Variants in HDAC9 observed in about 807,000 individuals in gnomAD.
The protein encoded by HDAC9 is MEF-2 interacting transcription repressor (MITR) protein.
HDAC9 carries 41 observed loss-of-function variants against 139.4 expected under a neutral mutation model. The ratio of observed to expected loss-of-function variants is 0.29; its 90% CI spans 0.23 to 0.38. HDAC9 has a LOEUF of 0.38. Among genes scored for constraint, HDAC9 ranks in the 10% least tolerant of loss-of-function variants. The pLI, the probability that HDAC9 is intolerant of heterozygous loss-of-function variation, is 1.00. For missense variants in HDAC9, 1,147 were observed against 1,297.0 expected (o/e 0.88, Z 1.78); for synonymous variants, 517 against 476.2 (o/e 1.09, Z -1.12).
Position 18,555,712 on chromosome 7 carries a change from T to C in HDAC9, c.23-29569T>C, listed in dbSNP as rs191920404. Among the ~76,000 whole-genome samples the C allele has an allele frequency of 1.8e-4, 27 of 152,208 alleles. No individual in the cohort carries two copies. In the East Asian group the frequency reaches 4.6e-3, roughly 26 times the overall value. ...TTTTATTATTTCCTAATTTCTACAA[T>C]ACCCATTTACAGATGTAATAATAAA... On this transcript the variant is annotated intron_variant, in intron 2 of 25. Transcript: ENST00000686413.
At chr7:18,967,203 A>G (rs1405740225) in intron 24 of HDAC9, among the ~76,000 whole-genome samples, 1 of 152,206 alleles carries the variant, frequency 6.6e-6, no homozygotes, top group Non-Finnish European at 1.5e-5. Context: ...ACAATTTAAG[A>G]AGTGCAGTTG....
rs551180381 is a variant in HDAC9 at position 18,865,996 on chromosome 7, G to C, written c.2685-8482G>C. On this transcript the variant is annotated intron_variant, in intron 21 of 25. Transcript: ENST00000686413. ...CAGGGGATCAGAATCTGCTGTCTCA[G>C]AGGTGACATATAAGATCATATAACT... is the stretch of plus-strand genomic sequence containing the variant. 7.3e-5 allele frequency among the ~76,000 whole-genome samples: 11 copies of C among 150,566 alleles called. No individual in the cohort carries two copies. The East Asian group carries it at 2.0e-3, about 27-fold the overall frequency.
At chr7:18,816,726 T>A (rs1794586979) in intron 17 of HDAC9, among the ~76,000 whole-genome samples, 1 of 152,060 alleles carries the variant, frequency 6.6e-6, no homozygotes, top group Non-Finnish European at 1.5e-5. Context: ...CATTCCAATT[T>A]TCATGCATGA....
At chr7:18,548,003 C>G (rs1055763752) in intron 2 of HDAC9, among the ~76,000 whole-genome samples, 1 of 151,828 alleles carries the variant, frequency 6.6e-6, no homozygotes, top group Non-Finnish European at 1.5e-5. Flanking sequence ...GTCAACATGC[C>G]TTCCTAACTC....
intron 2 of HDAC9, among the ~76,000 whole-genome samples, chr7:18,235,468 G>T (rs946646418): frequency 1.3e-5 from 2 of 152,128 alleles, no homozygotes; most frequent in African/African-American, 2.4e-5. Flanking sequence ...GTACACAGTT[G>T]GGTCCGGTTC....
intron 17 of HDAC9, among the ~76,000 whole-genome samples, chr7:18,825,261 G>A (rs1287981735): frequency 6.6e-6 from 1 of 152,172 alleles, no homozygotes; most frequent in Non-Finnish European, 1.5e-5. Context: ...TATGGAAAGA[G>A]CAGAGGAAAA....
intron 22 of HDAC9, among the ~76,000 whole-genome samples, chr7:18,933,260 A>T (rs1477500775): frequency 6.6e-6 from 1 of 152,130 alleles, no homozygotes; most frequent in African/African-American, 2.4e-5. Context: ...CCAAGTAAAG[A>T]CTTGGACCCT....
intron 1 of HDAC9, among the ~76,000 whole-genome samples, chr7:18,157,372 G>A (rs1787289239): frequency 2.0e-5 from 3 of 152,138 alleles, no homozygotes; most frequent in African/African-American, 7.2e-5. Context: ...AGAAGAAAAA[G>A]TGGGATGAAA....
chr7:18,293,650 C>A (rs188401170), intron 1 of HDAC9, among the ~76,000 whole-genome samples: 2 of 152,162 alleles, frequency 1.3e-5, no homozygotes, highest in Admixed American at 6.5e-5. Flanking sequence ...TATTCACAAC[C>A]TGTAAAGCAT....
At chr7:18,851,907 C>T (rs192812354) in intron 21 of HDAC9, among the ~76,000 whole-genome samples, 1 of 152,294 alleles carries the variant, frequency 6.6e-6, no homozygotes, top group Admixed American at 6.5e-5. Flanking sequence ...ATTTGTAAAA[C>T]TATAGGAGCA....
chr7:18,120,072 C>T (rs577083441), intron 1 of HDAC9, among the ~76,000 whole-genome samples: 110 of 152,234 alleles, frequency 7.2e-4, no homozygotes, highest in African/African-American at 2.4e-3. Flanking sequence ...ATGATAGTGA[C>T]TACTGTCTAG....
chr7:18,803,907 A>G (rs1793500761), intron 17 of HDAC9, among the ~76,000 whole-genome samples: 1 of 152,226 alleles, frequency 6.6e-6, no homozygotes, highest in Non-Finnish European at 1.5e-5. Context: ...TTTATTTAAA[A>G]AAAACATGTT....
At chr7:18,562,405 C>G (rs2128711840) in intron 2 of HDAC9, among the ~76,000 whole-genome samples, 1 of 152,270 alleles carries the variant, frequency 6.6e-6, no homozygotes, top group South Asian at 2.1e-4. Context: ...CAAAGATTTA[C>G]TCACGTATTT....
At chr7:18,291,136 G>A (rs1313856545) in intron 1 of HDAC9, among the ~76,000 whole-genome samples, 1 of 152,012 alleles carries the variant, frequency 6.6e-6, no homozygotes, top group Non-Finnish European at 1.5e-5. Context: ...TATGCCTATT[G>A]TGAACATTAA....
chr7:18,237,361 C>T (rs930070225), intron 2 of HDAC9, among the ~76,000 whole-genome samples: 28 of 152,152 alleles, frequency 1.8e-4, no homozygotes, highest in African/African-American at 6.3e-4. Context: ...AGCTTGGAAA[C>T]ATCTTGCTGT....
intron 2 of HDAC9, among the ~76,000 whole-genome samples, chr7:18,254,900 A>C (rs1795134176): frequency 1.3e-5 from 2 of 152,230 alleles, no homozygotes. Context: ...CCATGTCATG[A>C]ATAACCAAAA....
intron 2 of HDAC9, among the ~76,000 whole-genome samples, chr7:18,244,570 G>A (rs1794392625): frequency 6.6e-6 from 1 of 152,138 alleles, no homozygotes; most frequent in Non-Finnish European, 1.5e-5. Context: ...AGGCCAGGGC[G>A]GGTGGATTAC....
At chr7:18,582,324 G>C (rs537713767) in intron 2 of HDAC9, among the ~76,000 whole-genome samples, 1 of 152,140 alleles carries the variant, frequency 6.6e-6, no homozygotes, top group Admixed American at 6.5e-5. Context: ...GCCATCTTCT[G>C]TTCTCTACAT....
At chr7:18,159,007 G>GC (rs1787429646) in intron 1 of HDAC9, among the ~76,000 whole-genome samples, 1 of 152,186 alleles carries the variant, frequency 6.6e-6, no homozygotes, top group Non-Finnish European at 1.5e-5. Context: ...GTCTTTTATT[G>GC]TGGATTTATG....
Sources: allele counts gnomAD v4.1 joint callset (sites outside exome capture counted in the v4.1 genomes callset), GRCh38; gene constraint gnomAD v4.1.1; transcripts MANE v1.5; gene names NCBI Gene and HGNC (gene_info 2026-07-23, HGNC 2026-07-21).